Variants in CCDC7 observed in about 807,000 individuals in gnomAD.
The protein encoded by CCDC7 is coiled-coil domain containing 7.
CCDC7 carries 183 observed loss-of-function variants against 196.9 expected under a neutral mutation model. The ratio of observed to expected loss-of-function variants is 0.93; its 90% confidence interval spans 0.82 to 1.05. The LOEUF (loss-of-function observed/expected upper bound fraction) is 1.05, where lower values mean the gene tolerates loss of function less well. CCDC7 is among the 50% of genes least tolerant of loss of function. CCDC7 has a pLI of 0.00. For missense variants in CCDC7, 1,540 were observed against 1,482.2 expected (o/e 1.04, Z -0.64); for synonymous variants, 525 against 484.6 (o/e 1.08, Z -1.10).
At chr10:32,772,079 G>A (rs1207685161) in intron 28 of CCDC7, among the ~76,000 whole-genome samples, 2 of 152,194 alleles carry the variant, frequency 1.3e-5, no homozygotes, top group African/African-American at 4.8e-5. Flanking sequence ...ATGTGTGGCA[G>A]GGCAAAGCCA....
chr10:32,612,668 G>T (rs1287534597), intron 18 of CCDC7, among the ~76,000 whole-genome samples: 24 of 152,128 alleles, frequency 1.6e-4, no homozygotes, highest in Admixed American at 7.2e-4. Context: ...TACATCTATT[G>T]AGATAATCGT....
chr10:32,783,331 TA>T (rs1395702466), intron 29 of CCDC7, among the ~76,000 whole-genome samples: 1 of 152,206 alleles, frequency 6.6e-6, no homozygotes, highest in Admixed American at 6.5e-5. Flanking sequence ...CAACTCCATT[TA>T]AAAATGGGCA....
chr10:32,824,947 C>T (rs2090891431), intron 32 of CCDC7, among the ~76,000 whole-genome samples: 1 of 152,202 alleles, frequency 6.6e-6, no homozygotes, highest in Non-Finnish European at 1.5e-5. Flanking sequence ...AACATGATAA[C>T]AAGATGAATA....
intron 28 of CCDC7, among the ~76,000 whole-genome samples, chr10:32,778,587 G>A (rs896388601): frequency 1.5e-4 from 23 of 152,162 alleles, no homozygotes; most frequent in African/African-American, 5.5e-4. Context: ...CTGTAGCCCT[G>A]TAATATAGTT....
chr10:32,686,258 T>A (rs1280097261), intron 22 of CCDC7, among the ~76,000 whole-genome samples, 178 bp downstream of exon 23: 1 of 152,200 alleles, frequency 6.6e-6, no homozygotes, highest in Non-Finnish European at 1.5e-5. Context: ...AGTTAGTATT[T>A]CTTGTTGTAA....
intron 7 of CCDC7, among the ~76,000 whole-genome samples, chr10:32,472,891 C>T (rs1453601311): frequency 1.3e-5 from 2 of 152,068 alleles, no homozygotes; most frequent in African/African-American, 4.8e-5. Context: ...CCGCCATGCC[C>T]GGCATGTTTG....
At chr10:32,692,539 C>A (rs1325484420) in intron 23 of CCDC7, among the ~76,000 whole-genome samples, 1 of 152,144 alleles carries the variant, frequency 6.6e-6, no homozygotes, top group African/African-American at 2.4e-5. Flanking sequence ...GCCTCCCCAT[C>A]ACCCTTCCAC....
At chr10:32,554,137 C>T (rs2053964245) in intron 13 of CCDC7, among the ~76,000 whole-genome samples, 1 of 152,192 alleles carries the variant, frequency 6.6e-6, no homozygotes, top group South Asian at 2.1e-4. Context: ...CAGCTCCCAC[C>T]CAAAATGAAG....
intron 14 of CCDC7, 130 bp from the exon 16 acceptor site, chr10:32,567,540 C>G: frequency 2.8e-6 from 3 of 1,053,658 alleles, no homozygotes; most frequent in Non-Finnish European, 4.0e-6. Context: ...CTTACCTTTG[C>G]TCCCTTCAAC....
chr10:32,696,548 C>A (rs1430834326), intron 24 of CCDC7, among the ~76,000 whole-genome samples: 1 of 151,572 alleles, frequency 6.6e-6, no homozygotes, highest in Non-Finnish European at 1.5e-5. Flanking sequence ...TTTCAAAATT[C>A]AATGGTAGAA....
At chr10:32,741,555 C>A (rs1057182421) in intron 28 of CCDC7, among the ~76,000 whole-genome samples, 1 of 151,844 alleles carries the variant, frequency 6.6e-6, no homozygotes, top group African/African-American at 2.4e-5. Flanking sequence ...GTTTTGCATC[C>A]CACAAATACT....
chr10:32,613,382 T>C (rs564735205), intron 18 of CCDC7, among the ~76,000 whole-genome samples: 4 of 152,290 alleles, frequency 2.6e-5, no homozygotes, highest in Admixed American at 2.0e-4. Context: ...TCATTGATTT[T>C]TTTGAAGGAT....
chr10:32,705,821 A>T (rs369615966), intron 24 of CCDC7, among the ~76,000 whole-genome samples: 5 of 152,132 alleles, frequency 3.3e-5, no homozygotes, highest in African/African-American at 1.2e-4. Context: ...TCATAAAGAA[A>T]GCCCTTAGAG....
chr10:32,541,926 G>C (rs956566234), intron 11 of CCDC7, among the ~76,000 whole-genome samples: 6 of 152,094 alleles, frequency 3.9e-5, no homozygotes, highest in Middle Eastern at 3.2e-3. Flanking sequence ...GGTTCTCCTG[G>C]CTCTGCACTG....
intron 8 of CCDC7, among the ~76,000 whole-genome samples, chr10:32,481,260 C>T (rs905670475): frequency 6.6e-6 from 1 of 152,006 alleles, no homozygotes; most frequent in Admixed American, 6.6e-5. Flanking sequence ...TCATTCAGCC[C>T]TTCTGTGTCT....
intron 28 of CCDC7, among the ~76,000 whole-genome samples, chr10:32,740,346 C>T (rs1315896536): frequency 1.3e-5 from 2 of 151,964 alleles, no homozygotes; most frequent in African/African-American, 4.8e-5. Flanking sequence ...TTTGGATTTA[C>T]ATGTTTCATT....
intron 28 of CCDC7, among the ~76,000 whole-genome samples, chr10:32,759,878 G>A (rs1220202716): frequency 6.6e-6 from 1 of 151,922 alleles, no homozygotes; most frequent in Admixed American, 6.6e-5. Flanking sequence ...AATCTACAAT[G>A]AACTCAAACA....
chr10:32,646,375 T>C (rs1029595994), intron 20 of CCDC7, among the ~76,000 whole-genome samples: 1 of 152,182 alleles, frequency 6.6e-6, no homozygotes, highest in Admixed American at 6.5e-5. Flanking sequence ...TTTTATTCCA[T>C]TGTAATCATA....
chr10:32,563,429 A>G (rs1055029147), intron 13 of CCDC7, among the ~76,000 whole-genome samples: 1 of 152,254 alleles, frequency 6.6e-6, no homozygotes, highest in Non-Finnish European at 1.5e-5. Flanking sequence ...CCAAAACAGC[A>G]TGGTACTGGT....
Sources: gnomAD v4.1 joint callset for allele counts (sites outside exome capture counted in the v4.1 genomes callset) on GRCh38, gnomAD v4.1.1 for gene constraint, MANE v1.5 for transcripts, NCBI Gene and HGNC (gene_info 2026-07-23, HGNC 2026-07-21) for gene names.